DIP2C: variants seen among roughly 807,000 people sequenced by gnomAD.
The protein encoded by DIP2C is DIP2 acetate--CoA ligase C (putative), also known as disco-interacting protein 2 homolog C.
Under a neutral mutation model 192.4 loss-of-function variants are expected in DIP2C, and 33 were observed. That is an observed-to-expected ratio of 0.17 (90% confidence interval 0.13 to 0.23). The LOEUF (loss-of-function observed/expected upper bound fraction) is 0.23, where lower values mean the gene tolerates loss of function less well. Among genes scored for constraint, DIP2C ranks in the 10% least tolerant of loss-of-function variants. DIP2C has a pLI of 1.00. For synonymous variants in DIP2C, 979 were observed against 864.1 expected, an observed-to-expected ratio of 1.13 and a Z score of -2.33; for missense variants, 1,537 against 2,110.1, an observed-to-expected ratio of 0.73 and a Z score of 5.32.
rs143425791 is a variant in DIP2C, at chr10:603,651, A to G, written c.85+85843T>C. On this transcript the variant is annotated intron_variant, in intron 1 of 36. Transcript: ENST00000280886. Reference sequence around the variant, plus strand: ...TCTATTTCCCACAAACCATCTCATTATAATTTAGGGCACACAAAAGGCTGA... The same window carrying G: ...TCTATTTCCCACAAACCATCTCATTGTAATTTAGGGCACACAAAAGGCTGA... Among the ~76,000 whole-genome samples, 921 of 152,284 alleles carry G rather than the reference A, an allele frequency of 6.0e-3. 10 individuals carry two copies. The highest frequency in any genetic ancestry group is 0.021 in the African/African-American group (870 of 41,554).
intron 1 of DIP2C, among the ~76,000 whole-genome samples, chr10:527,719 G>A (rs1847137271): frequency 2.0e-5 from 3 of 152,230 alleles, no homozygotes; most frequent in Admixed American, 2.0e-4. Flanking sequence ...GATACAAGAT[G>A]TTATGAGATG....
At chr10:634,861 G>T (rs111265962) in intron 1 of DIP2C, among the ~76,000 whole-genome samples, 1 of 152,070 alleles carries the variant, frequency 6.6e-6, no homozygotes, top group African/African-American at 2.4e-5. Context: ...CACACACAAC[G>T]TAAAGCCAAT....
intron 31 of DIP2C, 146 bp from the exon 32 acceptor site, chr10:310,238 C>T: frequency 1.4e-6 from 1 of 696,230 alleles, no homozygotes; most frequent in Non-Finnish European, 2.5e-6. Context: ...CCTCTCAAGG[C>T]ACCTGCTAAC....
At chr10:676,115 A>AC (rs1327230451) in intron 1 of DIP2C, among the ~76,000 whole-genome samples, 5 of 152,198 alleles carry the variant, frequency 3.3e-5, no homozygotes, top group African/African-American at 9.7e-5. Context: ...ACAAACACAA[A>AC]CCAATAAACA....
rs545153142 is a variant in DIP2C, at chr10:477,725, G to A, written c.158-5176C>T. Among the ~76,000 whole-genome samples, 10 of 135,326 alleles carry A rather than the reference G, an allele frequency of 7.4e-5. No individual in the cohort carries two copies. The South Asian group carries it at 2.8e-3, about 38-fold the overall frequency. The allele number at this position is 135,326 out of a possible 152,430, so 88.8% of individuals were successfully genotyped here. A position where few individuals can be genotyped will look rare whatever the true frequency, so the allele number is the denominator to read the frequency against. ...GAAAGAATAAAGGAGAGAGAAGAAA[G>A]AGAAGGAAAGAAAGAACGAGAAAGA... On this transcript the variant is annotated intron_variant, in intron 2 of 36. Transcript: ENST00000280886.
intron 1 of DIP2C, among the ~76,000 whole-genome samples, chr10:568,425 T>G (rs1013160893): frequency 6.6e-6 from 1 of 151,778 alleles, no homozygotes; most frequent in Non-Finnish European, 1.5e-5. Context: ...CCAAGATCAG[T>G]AGAAGGAAAG....
intron 1 of DIP2C, among the ~76,000 whole-genome samples, chr10:621,038 G>C (rs1449307588): frequency 6.6e-6 from 1 of 152,112 alleles, no homozygotes; most frequent in Non-Finnish European, 1.5e-5. Context: ...TGGTCCTGAG[G>C]AGGCCCAAGT....
chr10:571,588 GAC>G (rs1439998014), intron 1 of DIP2C, among the ~76,000 whole-genome samples: 1 of 151,612 alleles, frequency 6.6e-6, no homozygotes, highest in Admixed American at 6.6e-5. Context: ...CAACTCAGCT[GAC>G]ACATTCTCAG....
At chr10:552,358 C>G (rs544351686) in intron 1 of DIP2C, among the ~76,000 whole-genome samples, 31 of 152,278 alleles carry the variant, frequency 2.0e-4, no homozygotes, top group African/African-American at 7.5e-4. Flanking sequence ...TGCTTGCTGG[C>G]TTTTTAGAAA....
intron 9 of DIP2C, among the ~76,000 whole-genome samples, chr10:408,090 G>A (rs1964934905): frequency 6.6e-6 from 1 of 150,648 alleles, no homozygotes; most frequent in Non-Finnish European, 1.5e-5. Context: ...TTACATTTAG[G>A]CGTTTGGTCC....
intron 2 of DIP2C, among the ~76,000 whole-genome samples, chr10:475,393 T>C (rs1328175011): frequency 6.6e-6 from 1 of 152,146 alleles, no homozygotes; most frequent in East Asian, 1.9e-4. Context: ...GCCAAGCGTA[T>C]CCAGTGGCCT....
chr10:489,044 T>C (rs1017135747), intron 1 of DIP2C, among the ~76,000 whole-genome samples: 5 of 152,126 alleles, frequency 3.3e-5, no homozygotes, highest in African/African-American at 1.2e-4. Flanking sequence ...CTTACGATGA[T>C]TCTATCCCAA....
At chr10:674,789 T>TATATAGAGAGAGAGAGAGAGAG in intron 1 of DIP2C, among the ~76,000 whole-genome samples, 1 of 62,484 alleles carries the variant, frequency 1.6e-5, no homozygotes, top group African/African-American at 9.0e-5. Context: ...TATATATATA[T>TATATAGAGAGAGAGAGAGAGAG]AGAGAGAGAG....
chr10:570,535 C>G (rs1849725955), intron 1 of DIP2C, among the ~76,000 whole-genome samples: 1 of 152,226 alleles, frequency 6.6e-6, no homozygotes, highest in Non-Finnish European at 1.5e-5. Flanking sequence ...TGCGCTCTTC[C>G]ATCCAGCCAG....
At chr10:640,031 A>C (rs1855083616) in intron 1 of DIP2C, among the ~76,000 whole-genome samples, 2 of 142,448 alleles carry the variant, frequency 1.4e-5, no homozygotes, top group South Asian at 4.5e-4. Flanking sequence ...ACGCGGCTAA[A>C]TCTCCCACAC....
At chr10:359,969 G>A (rs1427756711) in intron 22 of DIP2C, among the ~76,000 whole-genome samples, 5 of 152,184 alleles carry the variant, frequency 3.3e-5, no homozygotes, top group Admixed American at 6.5e-5. Flanking sequence ...GGCAAGACGA[G>A]ACGGCTCTTC....
At chr10:502,948 C>T (rs536161577) in intron 1 of DIP2C, among the ~76,000 whole-genome samples, 5 of 152,170 alleles carry the variant, frequency 3.3e-5, no homozygotes, top group African/African-American at 7.2e-5. Context: ...CACTGACCTG[C>T]GGACTTACCA....
rs571443468 is a variant in DIP2C at position 294,749 on chromosome 10, C to T, written c.3987-6328G>A. ...AAAAATTTATTTTTGGGAACTCCTT[C>T]GTTTTTAAAAAAATACTTACTGAAT... On this transcript the variant is annotated intron_variant, in intron 32 of 36. Transcript: ENST00000280886. Among the ~76,000 whole-genome samples, 346 of 152,068 alleles carry T rather than the reference C, an allele frequency of 2.3e-3. 1 individual carries two copies. Among genetic ancestry groups the T allele is most frequent in the African/African-American group, 7.4e-3 (309 of 41,492 alleles).
chr10:619,623 A>C (rs750405592), intron 1 of DIP2C, among the ~76,000 whole-genome samples: 2 of 145,608 alleles, frequency 1.4e-5, no homozygotes, highest in Non-Finnish European at 3.0e-5. Flanking sequence ...GCAAGGGGTA[A>C]GTGCCCAGCT....
Sources: allele counts gnomAD v4.1 joint callset (sites outside exome capture counted in the v4.1 genomes callset), GRCh38; gene constraint gnomAD v4.1.1; transcripts MANE v1.5; gene names NCBI Gene and HGNC (gene_info 2026-07-23, HGNC 2026-07-21).